The following ADORA1 variants were observed in gnomAD, a reference collection of about 807,000 sequenced individuals.
ADORA1 encodes the protein adenosine A1 receptor.
In ADORA1, 6 loss-of-function variants were observed where a neutral mutation model predicts 19.9. That is an observed-to-expected ratio of 0.30 (90% CI 0.17 to 0.59). The LOEUF is 0.59. Ranked by LOEUF, ADORA1 falls within the 20% of genes least tolerant of loss-of-function variation. The probability of loss-of-function intolerance (pLI) is 0.87; values close to 1 mark genes in which losing one functional copy is unlikely to be tolerated. For missense variants in ADORA1, 302 were observed against 439.2 expected, an observed-to-expected ratio of 0.69 and a Z score of 2.79; for synonymous variants, 194 against 188.4, an observed-to-expected ratio of 1.03 and a Z score of -0.24.
chr1:203,132,488 A>G (rs1654373909), intron 3 of ADORA1, among the ~76,000 whole-genome samples: 1 of 152,168 alleles, frequency 6.6e-6, no homozygotes, highest in East Asian at 1.9e-4. Flanking sequence ...CTAATTAGCT[A>G]TGCAACCTTT....
At position 203,165,916 on chromosome 1, in the gene ADORA1, C is replaced by T. The variant is rs1169203986; in HGVS notation, c.*16C>T. The T allele has an allele frequency of 1.8e-5, 28 of 1,534,638 alleles. No individual in the cohort carries two copies. The highest frequency in any genetic ancestry group is 2.5e-5 in the Non-Finnish European group (28 of 1,140,830). On this transcript the variant is annotated 3_prime_UTR_variant, in exon 4 of 4. Coordinates refer to ENST00000337894, the MANE Select transcript of ADORA1 (RefSeq NM_000674.3). This position sits in a 1 kb window ranked among gnomAD's most constrained non-coding sequence, Gnocchi z 5.9. ...TGATGACTAGACCCCGCCTTCCGCT[C>T]CCACCAGCCCACATCCAGTGGGGTC...
At chr1:203,143,539 C>G (rs1558130814) in intron 3 of ADORA1, among the ~76,000 whole-genome samples, 1 of 79,328 alleles carries the variant, frequency 1.3e-5, no homozygotes, top group Non-Finnish European at 2.2e-5. Context: ...ATATGCACAC[C>G]TGTGTGTGTG....
rs1291830581 is a variant in ADORA1, at chr1:203,129,111, C to A, written c.270C>A (p.Leu90=). ...TGGTTGCCTGTCCGGTCCTCATCCT[C>A]ACCCAGAGCTCCATCCTGGCCCTGC... The part of the protein sequence containing the change: ...CLMVACPVLI[L]TQSSILALLA... The change falls in exon 3 of 4, where the codon CTC becomes CTA. Residue 90 remains leucine (L), a synonymous_variant. Coordinates refer to ENST00000337894, the MANE Select transcript of ADORA1 (RefSeq NM_000674.3). 2 of 1,614,198 alleles carry A rather than the reference C, an allele frequency of 1.2e-6. No homozygotes were observed. The highest frequency in any genetic ancestry group is 1.7e-6 in the Non-Finnish European group (2 of 1,180,028).
At chr1:203,161,576 T>G (rs1234022928) in intron 3 of ADORA1, among the ~76,000 whole-genome samples, 1 of 151,780 alleles carries the variant, frequency 6.6e-6, no homozygotes, top group Non-Finnish European at 1.5e-5. Context: ...AGGGCTATTT[T>G]TTTTTTTTTT....
intron 3 of ADORA1, 184 bp downstream of exon 3, chr1:203,129,366 G>A (rs1217114548): frequency 5.8e-6 from 5 of 856,460 alleles, no homozygotes; most frequent in Admixed American, 1.2e-4. Context: ...ACAGGAGGGG[G>A]ATGGGTGGCT....
chr1:203,142,030 G>A (rs1418418649), intron 3 of ADORA1, among the ~76,000 whole-genome samples: 1 of 152,202 alleles, frequency 6.6e-6, no homozygotes, highest in African/African-American at 2.4e-5. Context: ...ACTTAGAGCT[G>A]TGTTGTCTTG....
intron 3 of ADORA1, among the ~76,000 whole-genome samples, chr1:203,157,370 AC>A (rs34457723): frequency 0.064 from 9,697 of 152,354 alleles, 403 homozygotes; most frequent in South Asian, 0.2. Flanking sequence ...AAGCCAGACA[AC>A]ATTAAATCTT....
At chr1:203,135,934 A>G (rs1448856841) in intron 3 of ADORA1, among the ~76,000 whole-genome samples, 1 of 152,142 alleles carries the variant, frequency 6.6e-6, no homozygotes, top group Non-Finnish European at 1.5e-5. Flanking sequence ...TGGGTTGGGC[A>G]GGACTGTATG....
chr1:203,140,265 A>T (rs75388784), intron 3 of ADORA1, among the ~76,000 whole-genome samples: 1 of 152,130 alleles, frequency 6.6e-6, no homozygotes, highest in South Asian at 2.1e-4. Flanking sequence ...GGCTTGAGGC[A>T]GGCAGGGAGT....
At chr1:203,143,467 G>T (rs1449337153) in intron 3 of ADORA1, among the ~76,000 whole-genome samples, 2 of 152,138 alleles carry the variant, frequency 1.3e-5, no homozygotes, top group Non-Finnish European at 2.9e-5. Flanking sequence ...AAGGCATGAA[G>T]CCCCCTCCCC....
chr1:203,165,259 A>G lies in ADORA1; in HGVS notation c.342-2A>G, dbSNP rs1296573821. ...CTCACACTCTGCCCTCCTCTCCCCC[A>G]GGTACAAGATGGTGGTGACCCCCCG... On this transcript the variant is annotated splice_acceptor_variant, in intron 3 of 3. Coordinates refer to ENST00000337894, the MANE Select transcript of ADORA1 (RefSeq NM_000674.3). LOFTEE classifies it high-confidence loss of function. This position sits in a 1 kb window ranked among gnomAD's most constrained non-coding sequence, Gnocchi z 5.9. 6.3e-7 allele frequency: 1 copy of G among 1,590,780 alleles called. No individual in the cohort carries two copies. The highest frequency in any genetic ancestry group is 8.6e-7 in the Non-Finnish European group (1 of 1,168,318).
intron 3 of ADORA1, chr1:203,150,849 G>A: frequency 3.2e-6 from 4 of 1,268,924 alleles, no homozygotes; most frequent in Non-Finnish European, 3.1e-6. Flanking sequence ...CAGGGCAGGG[G>A]GCTAGGTGCT....
intron 3 of ADORA1, chr1:203,150,583 G>T (rs1654999544): frequency 7.8e-7 from 1 of 1,276,388 alleles, no homozygotes; most frequent in Non-Finnish European, 1.0e-6. Context: ...TGGTTGCAAG[G>T]TGGGGAGAAA....
At chr1:203,163,339 G>A (rs913068188) in intron 3 of ADORA1, among the ~76,000 whole-genome samples, 6 of 152,212 alleles carry the variant, frequency 3.9e-5, no homozygotes, top group African/African-American at 1.4e-4. Flanking sequence ...CTAGCAAGTT[G>A]CAGACTGGCA....
At chr1:203,151,932 G>T (rs1426986595) in intron 3 of ADORA1, among the ~76,000 whole-genome samples, 1 of 152,136 alleles carries the variant, frequency 6.6e-6, no homozygotes, top group Non-Finnish European at 1.5e-5. Context: ...ACTCCCTTCC[G>T]GGGATGTATG....
At chr1:203,133,193 A>C (rs1421922730) in intron 3 of ADORA1, among the ~76,000 whole-genome samples, 2 of 150,684 alleles carry the variant, frequency 1.3e-5, no homozygotes, top group Non-Finnish European at 3.0e-5. Context: ...AGCTCACTGC[A>C]ACCTCCACCT....
At chr1:203,143,883 C>T (rs1654776640) in intron 3 of ADORA1, among the ~76,000 whole-genome samples, 1 of 152,184 alleles carries the variant, frequency 6.6e-6, no homozygotes, top group Non-Finnish European at 1.5e-5. Flanking sequence ...GCCACGGTGG[C>T]AGGAGGCCTG....
At position 203,165,613 on chromosome 1, in the gene ADORA1, A is replaced by G; in HGVS notation, c.694A>G (p.Ile232Val). 6.2e-7 allele frequency: 1 copy of G among 1,613,326 alleles called. No individual in the cohort carries two copies. Among genetic ancestry groups the G allele is most frequent in the South Asian group, 1.1e-5 (1 of 91,032 alleles). The change falls in exon 4 of 4, where the codon ATC (isoleucine) becomes GTC (valine). Residue 232 changes from isoleucine (I) to valine (V), a missense_variant. Ile to Val is a conservative substitution (Grantham distance 29, BLOSUM62 3). Coordinates refer to ENST00000337894, the MANE Select transcript of ADORA1 (RefSeq NM_000674.3). This position sits in a 1 kb window ranked among gnomAD's most constrained non-coding sequence, Gnocchi z 5.9. Reference protein sequence around the residue: ...PQKYYGKELKIAKSLALILFL... With the variant: ...PQKYYGKELKVAKSLALILFL... Reference sequence around the variant, plus strand: ...GAAGTACTATGGGAAGGAGCTGAAGATCGCCAAGTCGCTGGCCCTCATCCT... The same window carrying G: ...GAAGTACTATGGGAAGGAGCTGAAGGTCGCCAAGTCGCTGGCCCTCATCCT...
At chr1:203,147,846 T>C (rs932949992) in intron 3 of ADORA1, among the ~76,000 whole-genome samples, 1 of 152,220 alleles carries the variant, frequency 6.6e-6, no homozygotes, top group East Asian at 1.9e-4. Context: ...CCACAATGTA[T>C]AAATGTTTTG....
Sources: gnomAD v4.1 joint callset for allele counts (sites outside exome capture counted in the v4.1 genomes callset) on GRCh38, gnomAD v4.1.1 for gene constraint, Gnocchi (gnomAD v3.1) non-coding constraint, MANE v1.5 for transcripts, NCBI Gene and HGNC (gene_info 2026-07-23, HGNC 2026-07-21) for gene names.